PRKN: variants seen among roughly 807,000 people sequenced by gnomAD.
PRKN encodes E3 ubiquitin-protein ligase parkin.
In PRKN, 56 loss-of-function variants were observed where a neutral mutation model predicts 59.5. That is an observed-to-expected ratio of 0.94 (90% CI 0.76 to 1.18). The LOEUF (loss-of-function observed/expected upper bound fraction) is 1.18, where lower values mean the gene tolerates loss of function less well. PRKN is among the 50% of genes most tolerant of loss of function. The probability of loss-of-function intolerance (pLI) is 0.00; values close to 1 mark genes in which losing one functional copy is unlikely to be tolerated. For synonymous variants in PRKN, 250 were observed against 222.1 expected, an observed-to-expected ratio of 1.13 and a Z score of -1.12; for missense variants, 657 against 596.4, an observed-to-expected ratio of 1.10 and a Z score of -1.06.
chr6:161,858,858 C>CTTTTTTTTTTTTTTTTT lies in PRKN; in HGVS notation c.735-72967_735-72951dup, dbSNP rs71544920. 9.7e-4 allele frequency among the ~76,000 whole-genome samples: 70 copies of CTTTTTTTTTTTTTTTTT among 71,944 alleles called. 19 individuals carry two copies. Among genetic ancestry groups the CTTTTTTTTTTTTTTTTT allele is most frequent in the African/African-American group, 1.4e-3 (27 of 19,862 alleles). The allele number at this position is 71,944 out of a possible 152,430, so 47.2% of individuals were successfully genotyped here. A position where few individuals can be genotyped will look rare whatever the true frequency, so the allele number is the denominator to read the frequency against. The stretch of plus-strand genomic sequence containing the variant: ...CTTTCAATTAACTAGCACAGCTGTA[C>CTTTTTTTTTTTTTTTTT]TTTTTTTTTTTTTTTTTTTTGAGAC... On this transcript the variant is annotated intron_variant, in intron 6 of 11. Coordinates refer to ENST00000366898, the MANE Select transcript of PRKN (RefSeq NM_004562.3).
intron 9 of PRKN, among the ~76,000 whole-genome samples, chr6:161,532,867 T>C (rs1468431439): frequency 6.6e-6 from 1 of 152,222 alleles, no homozygotes; most frequent in Non-Finnish European, 1.5e-5. Flanking sequence ...AAGCCTCTTA[T>C]AAATCTACAA....
At chr6:161,859,608 C>T (rs1197858837) in intron 6 of PRKN, among the ~76,000 whole-genome samples, 1 of 39,604 alleles carries the variant, frequency 2.5e-5, no homozygotes, top group African/African-American at 9.8e-5. Flanking sequence ...GAGACTCTCT[C>T]TCAAAAAAAA....
chr6:161,958,647 G>T (rs1244799214), intron 6 of PRKN, among the ~76,000 whole-genome samples: 1 of 152,112 alleles, frequency 6.6e-6, no homozygotes, highest in Non-Finnish European at 1.5e-5. Context: ...GGGAGGCCAA[G>T]ACAGGTGGAT....
intron 2 of PRKN, among the ~76,000 whole-genome samples, chr6:162,331,911 C>T (rs1458676102): frequency 2.6e-5 from 4 of 152,110 alleles, no homozygotes; most frequent in Admixed American, 2.0e-4. Flanking sequence ...TGCATGTTAA[C>T]CAATAAAGTC....
intron 2 of PRKN, among the ~76,000 whole-genome samples, chr6:162,310,661 G>A (rs1381916901): frequency 1.3e-5 from 2 of 151,810 alleles, no homozygotes; most frequent in Admixed American, 6.6e-5. Flanking sequence ...GAGTTAATGG[G>A]TGCAGCACAC....
intron 7 of PRKN, among the ~76,000 whole-genome samples, chr6:161,653,225 G>A (rs1003561349): frequency 6.6e-6 from 1 of 152,096 alleles, no homozygotes; most frequent in South Asian, 2.1e-4. Flanking sequence ...ATAGCTGGGC[G>A]TGGTGGCGCA....
In PRKN at chr6:162,082,258, C is replaced by T. The variant is rs184540151; in HGVS notation, c.535-28084G>A. 4.0e-3 allele frequency among the ~76,000 whole-genome samples: 615 copies of T among 152,150 alleles called. 10 individuals are homozygous for T. Among genetic ancestry groups the T allele is most frequent in the Non-Finnish European group, 1.9e-3 (130 of 68,022 alleles). Reference sequence around the variant, plus strand: ...TTCCCTGCACAAGCTCTCTTCTCGTCGGGCACCATGTGAGATGTGCCTTCA... The same window carrying T: ...TTCCCTGCACAAGCTCTCTTCTCGTTGGGCACCATGTGAGATGTGCCTTCA... On this transcript the variant is annotated intron_variant, in intron 4 of 11. Coordinates refer to ENST00000366898, the MANE Select transcript of PRKN (RefSeq NM_004562.3).
At chr6:162,700,551 A>T (rs13214516) in intron 1 of PRKN, among the ~76,000 whole-genome samples, 12,922 of 152,216 alleles carry the variant, frequency 0.085, 689 homozygotes, top group Middle Eastern at 0.18. Flanking sequence ...CAAAATTGGG[A>T]TCACAATATC....
intron 1 of PRKN, among the ~76,000 whole-genome samples, chr6:162,623,870 A>G (rs972036416): frequency 3.3e-5 from 5 of 152,170 alleles, no homozygotes; most frequent in Middle Eastern, 3.2e-3. Flanking sequence ...TTGCTTGAGA[A>G]GGCTGAAGGT....
rs1056045296 is a variant in PRKN at position 162,272,798 on chromosome 6, G to A, written c.172-10033C>T. On this transcript the variant is annotated intron_variant, in intron 2 of 11. Transcript: ENST00000366898. ...AGATCACCCGAGGTCAGGGGTTCAA[G>A]ACCAGCCTGGCACACGTGGCAAAAC... Among the ~76,000 whole-genome samples the A allele has an allele frequency of 2.6e-5, 4 of 152,004 alleles. No homozygotes were observed. In the South Asian group the frequency reaches 8.3e-4, roughly 32 times the overall value.
In PRKN at chr6:161,470,324, C is replaced by G. The variant is rs1296710024; in HGVS notation, c.1083+78530G>C. On this transcript the variant is annotated intron_variant, in intron 9 of 11. Transcript: ENST00000366898. The surrounding 1 kb of genome is among the most constrained non-coding windows in gnomAD (Gnocchi z 5.1). ...AGTCACTCATCTAAATCTTCATTCC[C>G]CTCTTCAACGGCTCTACCCAGTGCT... 6.6e-6 allele frequency among the ~76,000 whole-genome samples: 1 copy of G among 152,166 alleles called. No individual in the cohort carries two copies. Among genetic ancestry groups the G allele is most frequent in the Non-Finnish European group, 1.5e-5 (1 of 68,046 alleles).
chr6:161,590,751 A>AG (rs1162121834), intron 7 of PRKN, among the ~76,000 whole-genome samples: 1 of 151,706 alleles, frequency 6.6e-6, no homozygotes, highest in Non-Finnish European at 1.5e-5. Flanking sequence ...AAAAAAAAAA[A>AG]TTGCATAACT....
At chr6:162,107,303 A>G (rs2128301112) in intron 4 of PRKN, among the ~76,000 whole-genome samples, 1 of 152,282 alleles carries the variant, frequency 6.6e-6, no homozygotes, top group South Asian at 2.1e-4. Context: ...TGTCTCTACT[A>G]AAAATACAAA....
intron 6 of PRKN, among the ~76,000 whole-genome samples, chr6:161,952,275 T>C (rs1562414153): frequency 6.6e-6 from 1 of 152,112 alleles, no homozygotes; most frequent in Non-Finnish European, 1.5e-5. Flanking sequence ...GTGAAAAAGA[T>C]GGTCAGTGAA....
At chr6:161,668,774 G>A (rs984929282) in intron 7 of PRKN, among the ~76,000 whole-genome samples, 11 of 152,146 alleles carry the variant, frequency 7.2e-5, no homozygotes, top group Admixed American at 3.9e-4. Context: ...ATCCTATGGC[G>A]CAGGAAGATT....
intron 1 of PRKN, among the ~76,000 whole-genome samples, chr6:162,463,788 C>A (rs1292763624): frequency 1.3e-5 from 2 of 152,138 alleles, no homozygotes; most frequent in East Asian, 1.9e-4. Flanking sequence ...AAAGGCATCT[C>A]GAGTTCAAGA....
intron 1 of PRKN, among the ~76,000 whole-genome samples, chr6:162,547,590 TA>T (rs1170536630): frequency 1.3e-5 from 2 of 152,106 alleles, no homozygotes; most frequent in East Asian, 3.9e-4. Context: ...ATTATTATAT[TA>T]TTTTTTGAGA....
At chr6:162,455,827 C>T (rs907477426) in intron 1 of PRKN, among the ~76,000 whole-genome samples, 1 of 151,888 alleles carries the variant, frequency 6.6e-6, no homozygotes, top group African/African-American at 2.4e-5. Context: ...AACTGAAGAA[C>T]ATTTCAATTT....
rs1791892524 is a variant in PRKN, at chr6:162,474,192, C to T, written c.8-30719G>A. ...AACATAGTACCATAGGCAGAATATC[C>T]ACGTTAAACTAATGTTAAGAACGAC... On this transcript the variant is annotated intron_variant, in intron 1 of 11. Transcript: ENST00000366898. Among the ~76,000 whole-genome samples, 7 of 152,222 alleles carry T rather than the reference C, an allele frequency of 4.6e-5. No individual in the cohort carries two copies. The South Asian group carries it at 1.5e-3, about 32-fold the overall frequency.
Sources: gnomAD v4.1 joint callset for allele counts (sites outside exome capture counted in the v4.1 genomes callset) on GRCh38, gnomAD v4.1.1 for gene constraint, Gnocchi (gnomAD v3.1) non-coding constraint, MANE v1.5 for transcripts, NCBI Gene and HGNC (gene_info 2026-07-23, HGNC 2026-07-21) for gene names.